Variants in CNBD1 observed in about 807,000 individuals in gnomAD.
CNBD1 encodes cyclic nucleotide binding domain containing 1.
A neutral mutation model predicts 54.4 loss-of-function variants in CNBD1; 71 were observed. The observed-to-expected ratio is 1.30, with a 90% CI of 1.08 to 1.59. CNBD1 has a LOEUF of 1.59. Ranked by LOEUF, CNBD1 falls within the 40% of genes most tolerant of loss-of-function variation. The probability of loss-of-function intolerance (pLI) is 0.00; values close to 1 mark genes in which losing one functional copy is unlikely to be tolerated. For synonymous variants in CNBD1, 182 were observed against 170.7 expected, an observed-to-expected ratio of 1.07 and a Z score of -0.51; for missense variants, 659 against 518.0, an observed-to-expected ratio of 1.27 and a Z score of -2.64.
chr8:87,015,041 G>A (rs1809324093), intron 4 of CNBD1, among the ~76,000 whole-genome samples: 1 of 151,860 alleles, frequency 6.6e-6, no homozygotes, highest in Non-Finnish European at 1.5e-5. Context: ...ATTTATAAGG[G>A]GCTTGTGTAA....
intron 4 of CNBD1, chr8:86,939,964 T>C (rs1334101055): frequency 1.9e-5 from 7 of 359,470 alleles, no homozygotes; most frequent in Non-Finnish European, 3.5e-5. Context: ...ACGGATATAA[T>C]GCTAAACTTG....
intron 8 of CNBD1, among the ~76,000 whole-genome samples, chr8:87,320,661 A>G (rs889666651): frequency 6.6e-6 from 1 of 151,982 alleles, no homozygotes; most frequent in Non-Finnish European, 1.5e-5. Context: ...GAAGTCACAA[A>G]AAATACAGTA....
At chr8:87,308,031 C>T (rs1424835173) in intron 8 of CNBD1, among the ~76,000 whole-genome samples, 1 of 152,016 alleles carries the variant, frequency 6.6e-6, no homozygotes, top group Non-Finnish European at 1.5e-5. Context: ...GGAAGTTTCC[C>T]CATGTTATGG....
At chr8:87,371,596 CT>C (rs1482637415) in intron 10 of CNBD1, among the ~76,000 whole-genome samples, 1 of 151,950 alleles carries the variant, frequency 6.6e-6, no homozygotes, top group East Asian at 1.9e-4. Flanking sequence ...CAATAAAATA[CT>C]GGCAAACTGA....
At chr8:87,326,145 G>C (rs2130904920) in intron 8 of CNBD1, among the ~76,000 whole-genome samples, 1 of 131,334 alleles carries the variant, frequency 7.6e-6, no homozygotes, top group Admixed American at 7.6e-5. Flanking sequence ...ACTCTCTTCT[G>C]GCTTGTAGGG....
chr8:87,110,921 A>G (rs558935018), intron 4 of CNBD1, among the ~76,000 whole-genome samples: 3 of 152,378 alleles, frequency 2.0e-5, no homozygotes, highest in African/African-American at 7.2e-5. Flanking sequence ...GCATTCTAGT[A>G]AAGATACCAC....
At chr8:87,042,734 C>A (rs2130611953) in intron 4 of CNBD1, among the ~76,000 whole-genome samples, 1 of 151,938 alleles carries the variant, frequency 6.6e-6, no homozygotes, top group East Asian at 1.9e-4. Context: ...TTTTCACTAA[C>A]AATTATGTGT....
At chr8:87,210,205 A>G (rs118169714) in intron 5 of CNBD1, among the ~76,000 whole-genome samples, 5 of 152,304 alleles carry the variant, frequency 3.3e-5, no homozygotes, top group East Asian at 3.9e-4. Context: ...CTAACATCCT[A>G]TGTTCAGATA....
downstream of CNBD1, among the ~76,000 whole-genome samples, chr8:87,385,999 G>A (rs554777691): frequency 6.6e-6 from 1 of 152,110 alleles, no homozygotes; most frequent in Admixed American, 6.6e-5. Context: ...TGATACCCAG[G>A]CAAACATAGT....
At chr8:87,092,373 ATG>A (rs1183873767) in intron 4 of CNBD1, among the ~76,000 whole-genome samples, 32 of 140,672 alleles carry the variant, frequency 2.3e-4, no homozygotes, top group Non-Finnish European at 4.3e-4. Flanking sequence ...GTGTGTATGT[ATG>A]TGTGTGTGTG....
At chr8:87,307,938 A>C (rs1261568509) in intron 8 of CNBD1, among the ~76,000 whole-genome samples, 1 of 152,076 alleles carries the variant, frequency 6.6e-6, no homozygotes, top group African/African-American at 2.4e-5. Context: ...TAATGCCTGT[A>C]TCCACAAGTT....
At chr8:87,086,263 C>A (rs755111288) in intron 4 of CNBD1, among the ~76,000 whole-genome samples, 1 of 152,142 alleles carries the variant, frequency 6.6e-6, no homozygotes, top group Non-Finnish European at 1.5e-5. Flanking sequence ...GTGCCTCTTC[C>A]TCGCATGCTC....
At chr8:87,026,111 GAAAT>G (rs1275594293) in intron 4 of CNBD1, among the ~76,000 whole-genome samples, 9 of 152,136 alleles carry the variant, frequency 5.9e-5, no homozygotes, top group African/African-American at 1.4e-4. Flanking sequence ...TGAATTAGAA[GAAAT>G]AAATGCCACA....
chr8:87,383,785 A>AACACAAC (rs1811134793), downstream of CNBD1, among the ~76,000 whole-genome samples: 1 of 152,130 alleles, frequency 6.6e-6, no homozygotes, highest in African/African-American at 2.4e-5. Flanking sequence ...GTTTTAAGGA[A>AACACAAC]ACACAACCTA....
Position 87,126,266 on chromosome 8 carries a change from G to T in CNBD1, c.432-79727G>T, listed in dbSNP as rs535609389. On this transcript the variant is annotated intron_variant, in intron 4 of 10. Transcript: ENST00000518476. ...AATTTGCCAAAGAGCTTTCCAAAGT[G>T]GTTGTACCACTTTACATTCCAGAAG... Among the ~76,000 whole-genome samples, 4 of 152,060 alleles carry T rather than the reference G, an allele frequency of 2.6e-5. No homozygotes were observed. The East Asian group carries it at 7.7e-4, about 29-fold the overall frequency.
rs567924881 is a variant in CNBD1 at position 87,415,215 on chromosome 8, A to G, written c.214-13331A>G. Among the ~76,000 whole-genome samples, 12 of 152,174 alleles carry G rather than the reference A, an allele frequency of 7.9e-5. No individual in the cohort carries two copies. The South Asian group carries it at 2.3e-3, about 29-fold the overall frequency. ...TGTAGTCGTTGTTCTCTCCAGAATT[A>G]CTAAAGGAACTCTGAGAGCATATCA... On this transcript the variant is annotated intron_variant, in intron 2 of 7. Transcript: ENST00000521593.
chr8:87,281,684 GA>G (rs1229459905), intron 6 of CNBD1, among the ~76,000 whole-genome samples: 1 of 148,234 alleles, frequency 6.7e-6, no homozygotes, highest in Non-Finnish European at 1.5e-5. Flanking sequence ...AGATTCTTAG[GA>G]GATGCGTTTC....
chr8:86,899,449 A>G (rs1307294477), intron 2 of CNBD1, among the ~76,000 whole-genome samples: 2 of 152,168 alleles, frequency 1.3e-5, no homozygotes. Context: ...AAATATATAC[A>G]GTAAAAATAA....
At chr8:86,999,503 T>C (rs1756605886) in intron 4 of CNBD1, among the ~76,000 whole-genome samples, 1 of 151,900 alleles carries the variant, frequency 6.6e-6, no homozygotes, top group South Asian at 2.1e-4. Flanking sequence ...GGCTCCTGGC[T>C]GATTTTTTCC....
Sources: gnomAD v4.1 joint callset for allele counts (sites outside exome capture counted in the v4.1 genomes callset) on GRCh38, gnomAD v4.1.1 for gene constraint, MANE v1.5 for transcripts, NCBI Gene and HGNC (gene_info 2026-07-23, HGNC 2026-07-21) for gene names.